Variants in RBPJ observed in about 807,000 individuals in gnomAD.
RBPJ encodes the protein recombination signal binding protein for immunoglobulin kappa J region, also known as recombining binding protein suppressor of hairless.
A neutral mutation model predicts 67.8 loss-of-function variants in RBPJ; 9 were observed. The ratio of observed to expected loss-of-function variants is 0.13; its 90% confidence interval spans 0.08 to 0.23. The LOEUF (loss-of-function observed/expected upper bound fraction) is 0.23. Among genes scored for constraint, RBPJ ranks in the 10% least tolerant of loss-of-function variants. The probability of loss-of-function intolerance (pLI) is 1.00; values close to 1 mark genes in which losing one functional copy is unlikely to be tolerated. For missense variants in RBPJ, 305 were observed against 595.6 expected (o/e 0.51, Z 5.08); for synonymous variants, 198 against 203.3 (o/e 0.97, Z 0.22).
the RBPJ span, among the ~76,000 whole-genome samples, chr4:26,111,554 A>AC: frequency 6.6e-6 from 1 of 151,934 alleles, no homozygotes; most frequent in African/African-American, 2.4e-5. Flanking sequence ...GGGGAAAAAA[A>AC]CTCTACGATA....
At chr4:26,262,391 A>C (rs1720569241) in intron 1 of RBPJ, among the ~76,000 whole-genome samples, 1 of 152,202 alleles carries the variant, frequency 6.6e-6, no homozygotes, top group South Asian at 2.1e-4. Flanking sequence ...CTAAGTTTTT[A>C]AACGCCAGAA....
At chr4:26,327,868 A>C (rs1364315229) in intron 1 of RBPJ, among the ~76,000 whole-genome samples, 2 of 152,100 alleles carry the variant, frequency 1.3e-5, no homozygotes, top group Admixed American at 1.3e-4. Context: ...TTCACTCTAT[A>C]AAACTTTTTT....
chr4:26,399,343 C>T (rs1340365615), intron 2 of RBPJ, among the ~76,000 whole-genome samples: 2 of 151,984 alleles, frequency 1.3e-5, no homozygotes, highest in Non-Finnish European at 2.9e-5. Context: ...GATTATGTTC[C>T]CTTAACTGAA....
intron 1 of RBPJ, among the ~76,000 whole-genome samples, chr4:26,255,861 G>A (rs1720327276): frequency 6.6e-6 from 1 of 151,654 alleles, no homozygotes; most frequent in Non-Finnish European, 1.5e-5. Context: ...TCCTGGCTTG[G>A]ATTTTGAGAA....
intron 7 of RBPJ, 107 bp from the exon 8 acceptor site, chr4:26,428,613 G>C: frequency 1.3e-6 from 1 of 760,744 alleles, no homozygotes; most frequent in East Asian, 2.6e-5. Flanking sequence ...AAATAACTGT[G>C]ATGTATTATT....
At chr4:26,110,617 C>CACA in the RBPJ span, among the ~76,000 whole-genome samples, 1 of 152,196 alleles carries the variant, frequency 6.6e-6, no homozygotes, top group Non-Finnish European at 1.5e-5. The surrounding 1 kb of genome is among the most constrained non-coding windows in gnomAD (Gnocchi z 4.5). Context: ...TAACCGGAAA[C>CACA]ACAACATTTT....
At chr4:26,320,813 TGGGTAGGTTTCCA>T, upstream of RBPJ, 1 of 1,558,348 alleles carries the variant, frequency 6.4e-7, no homozygotes, top group Non-Finnish European at 8.7e-7. Flanking sequence ...CTCCATCGCC[TGGGTAGGTTTCCA>T]GGGAAGGCAG....
intron 2 of RBPJ, among the ~76,000 whole-genome samples, chr4:26,386,999 T>C (rs1287886145): frequency 1.3e-5 from 2 of 152,122 alleles, no homozygotes; most frequent in Admixed American, 6.6e-5. Context: ...AAATGAGATA[T>C]ATATATATAT....
chr4:26,366,700 A>T (rs944653714), intron 1 of RBPJ, among the ~76,000 whole-genome samples: 1 of 151,962 alleles, frequency 6.6e-6, no homozygotes, highest in African/African-American at 2.4e-5. Context: ...GATTACAGGC[A>T]TGAGCCACCG....
chr4:26,200,671 GA>G (rs5856934), intron 1 of RBPJ, among the ~76,000 whole-genome samples: 5 of 149,614 alleles, frequency 3.3e-5, no homozygotes, highest in Admixed American at 1.3e-4. Context: ...AAAAAAAAAA[GA>G]AAAAAAAACC....
chr4:26,118,176 C>T, the RBPJ span, among the ~76,000 whole-genome samples: 46 of 152,246 alleles, frequency 3.0e-4, 1 homozygote, highest in African/African-American at 1.1e-3. Flanking sequence ...GTTTCAGATA[C>T]TGAGCTGGAC....
At chr4:26,285,912 C>T (rs1179524454) in intron 1 of RBPJ, among the ~76,000 whole-genome samples, 3 of 152,056 alleles carry the variant, frequency 2.0e-5, no homozygotes, top group Non-Finnish European at 4.4e-5. Flanking sequence ...TTAGTCCAGA[C>T]CAGCCTGGGC....
chr4:26,213,369 G>GA (rs934426325), intron 1 of RBPJ, among the ~76,000 whole-genome samples: 2 of 152,112 alleles, frequency 1.3e-5, no homozygotes, highest in Admixed American at 6.6e-5. Flanking sequence ...CAAGGGCAGA[G>GA]AAAAAAACTG....
chr4:26,159,359 T>A (rs1056070603), upstream of RBPJ, among the ~76,000 whole-genome samples: 9 of 152,152 alleles, frequency 5.9e-5, no homozygotes, highest in African/African-American at 1.9e-4. Context: ...TGGATGCTTT[T>A]CCAAGAAGAA....
At chr4:26,388,762 CAAAG>C (rs1396376659) in intron 2 of RBPJ, among the ~76,000 whole-genome samples, 8 of 151,858 alleles carry the variant, frequency 5.3e-5, no homozygotes, top group South Asian at 2.1e-4. Context: ...ATGAAGCACA[CAAAG>C]AAAAAGTCTG....
At chr4:26,170,066 G>T (rs1026628233) in intron 1 of RBPJ, among the ~76,000 whole-genome samples, 8 of 152,044 alleles carry the variant, frequency 5.3e-5, no homozygotes, top group Non-Finnish European at 1.2e-4. Context: ...GCTGGCGCAC[G>T]GTGCGCTGCA....
chr4:26,217,137 T>C (rs1274701659), intron 1 of RBPJ, among the ~76,000 whole-genome samples: 1 of 152,160 alleles, frequency 6.6e-6, no homozygotes, highest in African/African-American at 2.4e-5. Context: ...CAAATGTTAC[T>C]GAACCTTGTC....
rs187141698 is a variant in RBPJ at position 26,226,074 on chromosome 4, G to A, written c.-167+62460G>A. ...TGAAGCAGGAGAATTGCTTGAACCT[G>A]GGAGGTGGAGGTTGCAGTGAGCCAA... On this transcript the variant is annotated intron_variant, in intron 1 of 4. Transcript: ENST00000512351. Among the ~76,000 whole-genome samples, 119 of 151,654 alleles carry A rather than the reference G, an allele frequency of 7.8e-4. 1 individual carries two copies. Among genetic ancestry groups the A allele is most frequent in the African/African-American group, 2.8e-3 (115 of 41,344 alleles).
At chr4:26,342,308 G>A (rs918151307) in intron 1 of RBPJ, among the ~76,000 whole-genome samples, 3 of 151,174 alleles carry the variant, frequency 2.0e-5, no homozygotes, top group African/African-American at 2.4e-5. Flanking sequence ...TAGTAGCCAG[G>A]AGGTCTCTAG....
Sources: gnomAD v4.1 joint callset for allele counts (sites outside exome capture counted in the v4.1 genomes callset) on GRCh38, gnomAD v4.1.1 for gene constraint, Gnocchi (gnomAD v3.1) non-coding constraint, MANE v1.5 for transcripts, NCBI Gene and HGNC (gene_info 2026-07-23, HGNC 2026-07-21) for gene names.